The following PPP2R2B variants were observed in gnomAD, a reference collection of about 807,000 sequenced individuals.
PPP2R2B encodes the protein protein phosphatase 2 regulatory subunit Bbeta.
PPP2R2B carries 5 observed loss-of-function variants against 46.0 expected under a neutral mutation model. That is an observed-to-expected ratio of 0.11 (90% CI 0.06 to 0.23). The LOEUF is 0.23. Ranked by LOEUF, PPP2R2B falls within the 10% of genes least tolerant of loss-of-function variation. The pLI, the probability that PPP2R2B is intolerant of heterozygous loss-of-function variation, is 1.00. For missense variants in PPP2R2B, 367 were observed against 575.0 expected, an observed-to-expected ratio of 0.64 and a Z score of 3.70; for synonymous variants, 215 against 206.7, an observed-to-expected ratio of 1.04 and a Z score of -0.34.
intron 7 of PPP2R2B, among the ~76,000 whole-genome samples, chr5:146,615,562 T>G (rs1341421740): frequency 1.6e-5 from 2 of 123,042 alleles, no homozygotes; most frequent in African/African-American, 6.0e-5. Context: ...TGAAAACAAA[T>G]TCAGTAAAAC....
intron 1 of PPP2R2B, among the ~76,000 whole-genome samples, chr5:146,939,969 T>C (rs942975252): frequency 6.6e-6 from 1 of 152,214 alleles, no homozygotes; most frequent in African/African-American, 2.4e-5. Context: ...GTTTGAGCCA[T>C]TTGTAATCTT....
chr5:146,689,119 G>A (rs1359405340), intron 5 of PPP2R2B, among the ~76,000 whole-genome samples: 1 of 152,114 alleles, frequency 6.6e-6, no homozygotes, highest in Non-Finnish European at 1.5e-5. Flanking sequence ...CCATGATGAC[G>A]ATGATGTTAT....
intron 2 of PPP2R2B, among the ~76,000 whole-genome samples, chr5:146,832,377 A>ATTTTT (rs1443028400): frequency 5.8e-5 from 6 of 104,294 alleles, no homozygotes; most frequent in African/African-American, 7.3e-5. Context: ...GCCATTTTTA[A>ATTTTT]TCTTTTTTTT....
At chr5:146,906,611 C>T (rs943384770) in intron 1 of PPP2R2B, among the ~76,000 whole-genome samples, 10 of 152,176 alleles carry the variant, frequency 6.6e-5, no homozygotes, top group Non-Finnish European at 1.3e-4. Context: ...CGTGAGCCAC[C>T]GCACCTGGCC....
intron 2 of PPP2R2B, among the ~76,000 whole-genome samples, chr5:146,868,045 G>A (rs1023378257): frequency 4.6e-5 from 7 of 152,138 alleles, no homozygotes; most frequent in African/African-American, 1.7e-4. Context: ...TCATTGATTG[G>A]CACTTGCTCT....
At chr5:146,843,366 A>C (rs1759786025) in intron 2 of PPP2R2B, among the ~76,000 whole-genome samples, 1 of 152,212 alleles carries the variant, frequency 6.6e-6, no homozygotes, top group South Asian at 2.1e-4. Context: ...AAATTGCTTT[A>C]CCAATAATGT....
At chr5:146,700,124 T>C (rs1254140582) in intron 3 of PPP2R2B, among the ~76,000 whole-genome samples, 1 of 152,198 alleles carries the variant, frequency 6.6e-6, no homozygotes, top group African/African-American at 2.4e-5. Flanking sequence ...GGAGGTGTAC[T>C]GCAAGTGGCT....
At chr5:146,998,150 T>C (rs1754005461) in intron 1 of PPP2R2B, among the ~76,000 whole-genome samples, 2 of 152,204 alleles carry the variant, frequency 1.3e-5, no homozygotes, top group African/African-American at 4.8e-5. Flanking sequence ...AGTATCATAT[T>C]CCTGGGACAG....
chr5:147,003,431 G>T (rs889846550), intron 1 of PPP2R2B, among the ~76,000 whole-genome samples: 2 of 152,158 alleles, frequency 1.3e-5, no homozygotes, highest in Non-Finnish European at 2.9e-5. Context: ...ACTTGGGGAA[G>T]TTTTCAGATG....
At chr5:147,028,879 T>A (rs73316582) in intron 1 of PPP2R2B, among the ~76,000 whole-genome samples, 1,816 of 152,328 alleles carry the variant, frequency 0.012, 28 homozygotes, top group African/African-American at 0.041. Context: ...CTGATCAGTA[T>A]GTCGTGGTAT....
chr5:147,004,500 C>T (rs780707355), intron 1 of PPP2R2B, among the ~76,000 whole-genome samples: 16 of 152,170 alleles, frequency 1.1e-4, no homozygotes, highest in Non-Finnish European at 1.3e-4. Flanking sequence ...GGTCCATTAC[C>T]ATCCGAGGAA....
At chr5:146,648,186 G>A (rs140881297) in intron 6 of PPP2R2B, among the ~76,000 whole-genome samples, 149 of 152,298 alleles carry the variant, frequency 9.8e-4, no homozygotes, top group African/African-American at 3.2e-3. Context: ...GCATGGCTCA[G>A]AGGAATCTCC....
intron 9 of PPP2R2B, among the ~76,000 whole-genome samples, chr5:146,592,379 G>A (rs1770748281): frequency 6.6e-6 from 1 of 152,156 alleles, no homozygotes; most frequent in South Asian, 2.1e-4. Context: ...ATCAGCCCCT[G>A]GTAGCTTGCA....
At chr5:147,000,699 C>T (rs1754130960) in intron 1 of PPP2R2B, among the ~76,000 whole-genome samples, 2 of 106,980 alleles carry the variant, frequency 1.9e-5, no homozygotes, top group South Asian at 6.8e-4. Flanking sequence ...TACTTTTGCA[C>T]CAACCTAATA....
intron 2 of PPP2R2B, among the ~76,000 whole-genome samples, chr5:146,763,310 T>C (rs1754278658): frequency 6.6e-6 from 1 of 152,192 alleles, no homozygotes; most frequent in Non-Finnish European, 1.5e-5. Context: ...GACAGCTTCC[T>C]AGCGTATAGG....
chr5:146,692,527 A>AT (rs34156552), intron 4 of PPP2R2B, among the ~76,000 whole-genome samples: 5,708 of 110,962 alleles, frequency 0.051, 158 homozygotes, highest in African/African-American at 0.095. Flanking sequence ...TTTTAATTCA[A>AT]TTTTTTTTTT....
Position 146,917,753 on chromosome 5 carries a change from A to G in PPP2R2B, c.79+137912T>C, listed in dbSNP as rs186008476. 9.2e-5 allele frequency: 14 copies of G among 152,344 alleles called. No homozygotes were observed. In the East Asian group the frequency reaches 2.5e-3, roughly 27 times the overall value. The allele number at this position is 152,344 out of a possible 1,614,324, so 9.4% of individuals were successfully genotyped here. ...CAATCTTATTTCATAATCTATCTGTAGCAAGATCTGAGGTGAAGCAATGTG... is the reference window on the plus strand; with the variant it reads ...CAATCTTATTTCATAATCTATCTGTGGCAAGATCTGAGGTGAAGCAATGTG... On this transcript the variant is annotated intron_variant, in intron 1 of 8. Transcript: ENST00000336640.
chr5:146,746,097 A>G (rs1010685580), intron 2 of PPP2R2B, among the ~76,000 whole-genome samples: 1 of 152,212 alleles, frequency 6.6e-6, no homozygotes, highest in African/African-American at 2.4e-5. Context: ...TTGGCTATGA[A>G]AACCTTATAG....
intron 2 of PPP2R2B, among the ~76,000 whole-genome samples, chr5:146,751,855 T>C (rs928168092): frequency 2.0e-5 from 3 of 152,030 alleles, no homozygotes; most frequent in Non-Finnish European, 2.9e-5. Flanking sequence ...CATGGGCTTT[T>C]CCAGAAAGAG....
Sources: gnomAD v4.1 joint callset for allele counts (sites outside exome capture counted in the v4.1 genomes callset) on GRCh38, gnomAD v4.1.1 for gene constraint, MANE v1.5 for transcripts, NCBI Gene and HGNC (gene_info 2026-07-23, HGNC 2026-07-21) for gene names.